ROBO2: variants seen among roughly 807,000 people sequenced by gnomAD.
The protein encoded by ROBO2 is roundabout homolog 2.
ROBO2 carries 53 observed loss-of-function variants against 160.8 expected under a neutral mutation model. The observed-to-expected ratio is 0.33, with a 90% confidence interval of 0.26 to 0.41. ROBO2 has a LOEUF of 0.41. Among genes scored for constraint, ROBO2 ranks in the 10% least tolerant of loss-of-function variants. ROBO2 has a pLI of 1.00. For synonymous variants in ROBO2, 664 were observed against 611.7 expected (o/e 1.09, Z -1.26); for missense variants, 1,577 against 1,722.4 (o/e 0.92, Z 1.49).
intron 2 of ROBO2, among the ~76,000 whole-genome samples, chr3:77,381,600 C>T (rs569566482): frequency 1.3e-5 from 2 of 152,246 alleles, no homozygotes; most frequent in East Asian, 3.9e-4. Flanking sequence ...TTGCAGTTCC[C>T]TTGAGGCATA....
At position 77,231,278 on chromosome 3, in the gene ROBO2, G is replaced by T. The variant is rs188553232; in HGVS notation, c.388+132938G>T. On this transcript the variant is annotated intron_variant, in intron 2 of 25. Transcript: ENST00000461745. ...CTCTGGAGGCTGAGACACAAGAATC[G>T]CTTGAACCTGGGAGGAAGAGGCTGC... 3.4e-5 allele frequency among the ~76,000 whole-genome samples: 5 copies of T among 146,178 alleles called. No individual in the cohort carries two copies. The East Asian group carries it at 8.2e-4, about 24-fold the overall frequency.
At chr3:76,565,042 G>A (rs1459846546) in intron 2 of ROBO2, among the ~76,000 whole-genome samples, 1 of 152,120 alleles carries the variant, frequency 6.6e-6, no homozygotes, top group Non-Finnish European at 1.5e-5. Context: ...GACCATCCCA[G>A]GCAAGCTAAG....
intron 2 of ROBO2, among the ~76,000 whole-genome samples, chr3:77,154,725 G>T (rs1365169160): frequency 6.6e-6 from 1 of 151,986 alleles, no homozygotes; most frequent in African/African-American, 2.4e-5. Context: ...CAGCAACATG[G>T]ATGCAGCTAG....
chr3:76,824,608 A>G (rs1348538875), intron 2 of ROBO2, among the ~76,000 whole-genome samples: 3 of 152,140 alleles, frequency 2.0e-5, no homozygotes, highest in Non-Finnish European at 1.5e-5. Flanking sequence ...ATAAGTCAGA[A>G]TCCAGTCAGG....
chr3:76,190,814 A>C (rs1415386098), intron 2 of ROBO2, among the ~76,000 whole-genome samples: 1 of 152,054 alleles, frequency 6.6e-6, no homozygotes, highest in Non-Finnish European at 1.5e-5. Context: ...TTCCCTTTCT[A>C]TACCGAATTT....
chr3:77,404,374 A>G (rs1041872534), intron 2 of ROBO2, among the ~76,000 whole-genome samples: 4 of 152,172 alleles, frequency 2.6e-5, no homozygotes, highest in African/African-American at 9.6e-5. Flanking sequence ...GTCTTCTAAC[A>G]GTTGTTGGAC....
intron 2 of ROBO2, among the ~76,000 whole-genome samples, chr3:76,726,937 G>A (rs926918581): frequency 1.3e-5 from 2 of 152,104 alleles, no homozygotes; most frequent in Non-Finnish European, 2.9e-5. Context: ...AAGGGGTTCC[G>A]ATGTGTTATT....
intron 2 of ROBO2, among the ~76,000 whole-genome samples, chr3:76,470,872 A>T (rs1360051897): frequency 2.0e-5 from 3 of 151,886 alleles, no homozygotes; most frequent in Non-Finnish European, 4.4e-5. Flanking sequence ...CTTACCTTTG[A>T]CCCCTATTCC....
chr3:75,997,656 T>C (rs2065769357), intron 2 of ROBO2, among the ~76,000 whole-genome samples: 1 of 152,034 alleles, frequency 6.6e-6, no homozygotes, highest in Admixed American at 6.6e-5. Flanking sequence ...CATGCCTGGC[T>C]AATTTTTTGT....
chr3:76,022,850 C>G (rs1395367598), intron 2 of ROBO2, among the ~76,000 whole-genome samples: 1 of 151,718 alleles, frequency 6.6e-6, no homozygotes, highest in Non-Finnish European at 1.5e-5. Context: ...AGCTTTAAAG[C>G]CAGGCATTGA....
chr3:76,323,670 G>T (rs942512431), intron 2 of ROBO2, among the ~76,000 whole-genome samples: 6 of 152,170 alleles, frequency 3.9e-5, no homozygotes, highest in African/African-American at 1.4e-4. Context: ...GAATGAGCCA[G>T]GTCCAAAACC....
intron 2 of ROBO2, among the ~76,000 whole-genome samples, chr3:76,687,283 T>G (rs1413003131): frequency 6.6e-6 from 1 of 152,028 alleles, no homozygotes; most frequent in Non-Finnish European, 1.5e-5. Context: ...ATACTTTAAT[T>G]TCTCTGTGTC....
intron 2 of ROBO2, among the ~76,000 whole-genome samples, chr3:76,335,983 A>T (rs528285431): frequency 6.6e-6 from 1 of 152,328 alleles, no homozygotes; most frequent in South Asian, 2.1e-4. Context: ...ATGTAAACAT[A>T]GGTTATATTC....
chr3:76,278,012 G>A (rs563875692), intron 2 of ROBO2, among the ~76,000 whole-genome samples: 24 of 151,752 alleles, frequency 1.6e-4, no homozygotes, highest in Admixed American at 5.9e-4. Context: ...CACTGTATAG[G>A]AAATAGTGAA....
chr3:76,233,094 AT>A (rs1360187384), intron 2 of ROBO2, among the ~76,000 whole-genome samples: 1 of 150,932 alleles, frequency 6.6e-6, no homozygotes, highest in Non-Finnish European at 1.5e-5. Context: ...TTCTTATTTT[AT>A]TTTTTTTCTA....
chr3:77,123,866 T>C (rs148472888), intron 2 of ROBO2, among the ~76,000 whole-genome samples: 1,665 of 148,352 alleles, frequency 0.011, 42 homozygotes, highest in African/African-American at 0.039. Flanking sequence ...GATACATAGA[T>C]ACATATATAG....
chr3:77,008,379 A>G (rs1445735231), intron 2 of ROBO2, among the ~76,000 whole-genome samples: 1 of 152,206 alleles, frequency 6.6e-6, no homozygotes, highest in African/African-American at 2.4e-5. Context: ...TGTAGCATCC[A>G]TATATAATTA....
At position 77,144,601 on chromosome 3, in the gene ROBO2, T is replaced by C. The variant is rs113934524; in HGVS notation, c.388+46261T>C. ...AAAGATTTACAATTTATTTAAACTTTGTAAACTTCAAATAAAATATTGGAT... is the reference window on the plus strand; with the variant it reads ...AAAGATTTACAATTTATTTAAACTTCGTAAACTTCAAATAAAATATTGGAT... On this transcript the variant is annotated intron_variant, in intron 2 of 25. Coordinates refer to ENST00000461745, the Ensembl canonical transcript of ROBO2. Among the ~76,000 whole-genome samples, 196 of 152,386 alleles carry C rather than the reference T, an allele frequency of 1.3e-3. 1 individual carries two copies. Among genetic ancestry groups the C allele is most frequent in the African/African-American group, 4.2e-3 (173 of 41,596 alleles).
rs138032544 is a variant in ROBO2 at position 76,125,906 on chromosome 3, A to G, written c.109+188304A>G. Among the ~76,000 whole-genome samples, 408 of 152,152 alleles carry G rather than the reference A, an allele frequency of 2.7e-3. 5 individuals carry two copies. The highest frequency in any genetic ancestry group is 9.5e-3 in the African/African-American group (394 of 41,534). ...CAATGGCATGATCTCAGCTCACTGC[A>G]ACCTCCGCTTCCTGGATTCAAGCAA... is the stretch of plus-strand genomic sequence containing the variant. On this transcript the variant is annotated intron_variant, in intron 2 of 26. Coordinates refer to the ROBO2 transcript ENST00000487694.
Sources: allele counts gnomAD v4.1 joint callset (sites outside exome capture counted in the v4.1 genomes callset), GRCh38; gene constraint gnomAD v4.1.1; transcripts MANE v1.5; gene names NCBI Gene and HGNC (gene_info 2026-07-23, HGNC 2026-07-21).